The following DYNLT2 variants were observed in gnomAD, a reference collection of about 807,000 sequenced individuals.
DYNLT2 encodes the protein dynein light chain Tctex-type 2, also known as dynein light chain Tctex-type protein 2.
Under a neutral mutation model 24.3 loss-of-function variants are expected in DYNLT2, and 24 were observed. The ratio of observed to expected loss-of-function variants is 0.99; its 90% CI spans 0.71 to 1.39. DYNLT2 has a LOEUF of 1.39. DYNLT2 is among the 40% of genes most tolerant of loss of function. The pLI is 0.00. For synonymous variants in DYNLT2, 85 were observed against 85.4 expected, an observed-to-expected ratio of 1.00 and a Z score of 0.03; for missense variants, 246 against 234.5, an observed-to-expected ratio of 1.05 and a Z score of -0.32.
At chr6:169,725,933 T>C in the DYNLT2 span, 1 of 152,282 alleles carries the variant, frequency 6.6e-6, no homozygotes, top group Non-Finnish European at 1.5e-5. Context: ...CTGATCTTTG[T>C]AGCCAAGGAT....
the DYNLT2 span, among the ~76,000 whole-genome samples, chr6:169,731,276 G>A: frequency 6.6e-6 from 1 of 152,106 alleles, no homozygotes. Context: ...AAATAGCAGA[G>A]TATTACATTA....
intron 3 of DYNLT2, among the ~76,000 whole-genome samples, chr6:169,742,548 G>A (rs1276018619): frequency 1.3e-5 from 2 of 152,150 alleles, no homozygotes; most frequent in East Asian, 3.8e-4. Context: ...TATGATCAAG[G>A]AACAGAATAG....
At chr6:169,732,309 C>T in the DYNLT2 span, among the ~76,000 whole-genome samples, 1 of 151,996 alleles carries the variant, frequency 6.6e-6, no homozygotes, top group Non-Finnish European at 1.5e-5. Flanking sequence ...AGAAAATGAT[C>T]AAAATATCTT....
downstream of DYNLT2, among the ~76,000 whole-genome samples, chr6:169,737,515 T>TTTG (rs536851104): frequency 6.6e-5 from 10 of 152,252 alleles, no homozygotes; most frequent in South Asian, 2.1e-4. Flanking sequence ...GGGGGCCTTT[T>TTTG]TTGTTGTTGT....
chr6:169,739,686 C>T (rs190462580), downstream of DYNLT2, among the ~76,000 whole-genome samples: 30 of 152,004 alleles, frequency 2.0e-4, 1 homozygote, highest in Admixed American at 1.2e-3. Flanking sequence ...TTGGCTGGAG[C>T]GGGAGGATAT....
chr6:169,730,535 A>C, the DYNLT2 span, among the ~76,000 whole-genome samples: 1 of 152,216 alleles, frequency 6.6e-6, no homozygotes, highest in South Asian at 2.1e-4. Context: ...ATTGCTTTTA[A>C]GGAAAGGAAC....
At chr6:169,730,947 C>G in the DYNLT2 span, among the ~76,000 whole-genome samples, 1 of 152,032 alleles carries the variant, frequency 6.6e-6, no homozygotes, top group African/African-American at 2.4e-5. Flanking sequence ...GCATGATAGT[C>G]TAGTGGGGTC....
At chr6:169,726,352 G>A in the DYNLT2 span, among the ~76,000 whole-genome samples, 5 of 152,250 alleles carry the variant, frequency 3.3e-5, no homozygotes, top group South Asian at 1.0e-3. Context: ...AAAAAAAATG[G>A]AGGTTTCAAG....
Position 169,744,186 on chromosome 6 carries a change from A to T in DYNLT2, c.209T>A (p.Ile70Lys), listed in dbSNP as rs1413499101. 2 of 1,613,680 alleles carry T rather than the reference A, an allele frequency of 1.2e-6. No individual in the cohort carries two copies. Among genetic ancestry groups the T allele is most frequent in the Non-Finnish European group, 8.5e-7 (1 of 1,179,976 alleles). The change falls in exon 2 of 4, where the codon ATA (isoleucine) becomes AAA (lysine). Residue 70 changes from isoleucine to lysine, a missense_variant. By Grantham distance (102) the Ile-to-Lys change is moderately radical. Transcript: ENST00000366774. ...CAGGGCACTCTTCCATTCTTTACCT[A>T]TATCAGCAATTGAGTCATCAAAAGG... ...EPPFDDSIAD[I>K]GKEWKSALAK...
the DYNLT2 span, among the ~76,000 whole-genome samples, chr6:169,731,840 TA>T: frequency 6.6e-6 from 1 of 152,194 alleles, no homozygotes; most frequent in Non-Finnish European, 1.5e-5. Context: ...AGAACAGAAC[TA>T]AAGGTAATTT....
At position 169,743,190 on chromosome 6, in the gene DYNLT2, A is replaced by T. The variant is rs769269825; in HGVS notation, c.376T>A (p.Ser126Thr). The change falls in exon 3 of 4, where the codon TCA becomes ACA. Residue 126 changes from serine (S) to threonine (T), a missense_variant. Physicochemically the swap from Ser to Thr is moderately conservative, Grantham distance 58. Coordinates refer to ENST00000366774, the MANE Select transcript of DYNLT2 (RefSeq NM_174910.3). ...KYDDKVFSHLSLELADRILLA... is the reference protein window; with the variant it reads ...KYDDKVFSHLTLELADRILLA... The stretch of plus-strand genomic sequence containing the variant: ...AGTATGCGGTCTGCCAATTCAAGTG[A>T]CAAGTGAGAGAATACTTTATCATCA... 3 of 1,582,810 alleles carry T rather than the reference A, an allele frequency of 1.9e-6. No homozygotes were observed. Among genetic ancestry groups the T allele is most frequent in the Non-Finnish European group, 2.6e-6 (3 of 1,159,312 alleles).
At chr6:169,747,615 A>G (rs779398813) in intron 1 of DYNLT2, among the ~76,000 whole-genome samples, 3 of 152,174 alleles carry the variant, frequency 2.0e-5, no homozygotes, top group Non-Finnish European at 2.9e-5. Flanking sequence ...CAGAAGTTCA[A>G]TTTGAATTTA....
intron 1 of DYNLT2, 76 bp downstream of exon 1, chr6:169,751,263 G>A (rs190120697): frequency 6.5e-7 from 1 of 1,536,164 alleles, no homozygotes; most frequent in Non-Finnish European, 8.8e-7. Context: ...TGACGGGAGC[G>A]GGGCCCACTG....
At chr6:169,731,256 T>A in the DYNLT2 span, among the ~76,000 whole-genome samples, 2 of 152,160 alleles carry the variant, frequency 1.3e-5, no homozygotes, top group African/African-American at 4.8e-5. Flanking sequence ...GGAATCCACT[T>A]AACCTCAGAA....
At chr6:169,740,885 T>G (rs1302042947) in intron 3 of DYNLT2, among the ~76,000 whole-genome samples, 1 of 151,808 alleles carries the variant, frequency 6.6e-6, no homozygotes, top group Non-Finnish European at 1.5e-5. Flanking sequence ...CTCGGTTCAC[T>G]GCAACCTCCA....
At chr6:169,740,646 T>A (rs1253613818) in intron 3 of DYNLT2, among the ~76,000 whole-genome samples, 1 of 152,046 alleles carries the variant, frequency 6.6e-6, no homozygotes, top group Non-Finnish European at 1.5e-5. Flanking sequence ...CTTTAAAGAT[T>A]TTCAGCCAAA....
chr6:169,747,822 G>T (rs1789843886), intron 1 of DYNLT2, among the ~76,000 whole-genome samples: 1 of 152,022 alleles, frequency 6.6e-6, no homozygotes, highest in African/African-American at 2.4e-5. Context: ...TTTTCTGTAG[G>T]TCTATTAATA....
chr6:169,745,500 T>A (rs73242952), intron 1 of DYNLT2, among the ~76,000 whole-genome samples: 10,139 of 151,962 alleles, frequency 0.067, 644 homozygotes, highest in East Asian at 0.17. Context: ...AGTGTTGAAT[T>A]TGACATATAG....
downstream of DYNLT2, among the ~76,000 whole-genome samples, chr6:169,739,208 C>CTT (rs557162178): frequency 6.7e-3 from 877 of 131,446 alleles, 5 homozygotes; most frequent in African/African-American, 0.022. Context: ...CAATTTTCTC[C>CTT]TTTTTTTTTT....
Sources: gnomAD v4.1 joint callset for allele counts (sites outside exome capture counted in the v4.1 genomes callset) on GRCh38, gnomAD v4.1.1 for gene constraint, MANE v1.5 for transcripts, NCBI Gene and HGNC (gene_info 2026-07-23, HGNC 2026-07-21) for gene names.